Variants in NUDT9 observed in about 807,000 individuals in gnomAD.
NUDT9 encodes the protein nudix hydrolase 9.
NUDT9 carries 31 observed loss-of-function variants against 41.0 expected under a neutral mutation model. That is an observed-to-expected ratio of 0.76 (90% confidence interval 0.57 to 1.02). The LOEUF (loss-of-function observed/expected upper bound fraction) is 1.02, where lower values mean the gene tolerates loss of function less well. Among genes scored for constraint, NUDT9 ranks in the 50% least tolerant of loss-of-function variants. The probability of loss-of-function intolerance (pLI) is 0.00; values close to 1 mark genes in which losing one functional copy is unlikely to be tolerated. For missense variants in NUDT9, 380 were observed against 431.4 expected (o/e 0.88, Z 1.06); for synonymous variants, 146 against 147.6 (o/e 0.99, Z 0.08).
At chr4:87,449,362 C>A (rs577711363) in intron 5 of NUDT9, 109 bp downstream of exon 5, 25 of 652,124 alleles carry the variant, frequency 3.8e-5, no homozygotes, top group Non-Finnish European at 6.6e-5. Context: ...TTCCTTCCCA[C>A]TTCATTTAGT....
At position 87,458,189 on chromosome 4, in the gene NUDT9, G is replaced by T; in HGVS notation, c.*168G>T. The T allele has an allele frequency of 2.1e-6, 1 of 470,360 alleles. No individual in the cohort carries two copies. The highest frequency in any genetic ancestry group is 3.5e-6 in the Non-Finnish European group (1 of 287,790). The allele number at this position is 470,360 out of a possible 1,614,324, so 29.1% of individuals were successfully genotyped here. ...CGCATCAGAATAACATGAGTAAGAT[G>T]AACTGGAACACAAAATTTTCAGCTC... On this transcript the variant is annotated 3_prime_UTR_variant, in exon 8 of 8. Transcript: ENST00000302174.
chr4:87,426,142 A>G (rs1310275806), intron 1 of NUDT9, among the ~76,000 whole-genome samples: 2 of 152,188 alleles, frequency 1.3e-5, no homozygotes, highest in Non-Finnish European at 2.9e-5. Flanking sequence ...GAAAAAAGGT[A>G]GTATATTACA....
At chr4:87,436,295 G>A (rs561757319) in intron 2 of NUDT9, among the ~76,000 whole-genome samples, 1 of 152,160 alleles carries the variant, frequency 6.6e-6, no homozygotes, top group East Asian at 1.9e-4. Flanking sequence ...CTGAAACTTT[G>A]TACCCTTTGA....
Position 87,438,349 on chromosome 4 carries a change from T to C in NUDT9, c.420T>C (p.Tyr140=). ...AGAGAAAGAGCAAGAATGGCCTGTA[T>C]GAGATTGAAAATGGAAGACCGAGGT... ...HVERKSKNGL[Y]EIENGRPRNP... Residue 140 remains tyrosine (Y), a synonymous_variant, in exon 3 of 8, where the codon TAT becomes TAC. Transcript: ENST00000302174. 1 of 1,606,272 alleles carries C rather than the reference T, an allele frequency of 6.2e-7. No individual in the cohort carries two copies. Among genetic ancestry groups the C allele is most frequent in the Non-Finnish European group, 8.5e-7 (1 of 1,173,436 alleles).
At chr4:87,439,569 T>G (rs1266127025) in intron 3 of NUDT9, among the ~76,000 whole-genome samples, 1 of 151,730 alleles carries the variant, frequency 6.6e-6, no homozygotes, top group Non-Finnish European at 1.5e-5. Flanking sequence ...GGCAGGAGAA[T>G]CGCTTGAACC....
rs569374465 is a variant in NUDT9 at position 87,449,934 on chromosome 4, C to T, written c.642+681C>T. ...CTGGAGTGCATTGGCGCAATCTTGG[C>T]TCATTGCAACCTTTGCCTCCTGGGT... On this transcript the variant is annotated intron_variant, in intron 5 of 7. Transcript: ENST00000302174. Among the ~76,000 whole-genome samples, 10 of 152,194 alleles carry T rather than the reference C, an allele frequency of 6.6e-5. No individual in the cohort carries two copies. In the East Asian group the frequency reaches 1.9e-3, roughly 29 times the overall value.
At chr4:87,437,075 C>T (rs1009308087) in intron 2 of NUDT9, among the ~76,000 whole-genome samples, 1 of 151,618 alleles carries the variant, frequency 6.6e-6, no homozygotes, top group African/African-American at 2.4e-5. Flanking sequence ...ATGATGAAAC[C>T]CTGTGTATAC....
At chr4:87,446,313 A>G (rs1220647148) in intron 4 of NUDT9, among the ~76,000 whole-genome samples, 1 of 132,762 alleles carries the variant, frequency 7.5e-6, no homozygotes, top group Admixed American at 8.8e-5. Flanking sequence ...TAGTGGTGCT[A>G]TCTCGGCTCA....
At chr4:87,444,885 T>G (rs1263017479) in intron 4 of NUDT9, among the ~76,000 whole-genome samples, 1 of 152,218 alleles carries the variant, frequency 6.6e-6, no homozygotes, top group Non-Finnish European at 1.5e-5. Context: ...ACTGTACTCT[T>G]AAGTTGATGT....
chr4:87,442,020 T>G, intron 4 of NUDT9, 105 bp downstream of exon 4: 1 of 722,040 alleles, frequency 1.4e-6, no homozygotes, highest in Non-Finnish European at 2.3e-6. Context: ...TGTATATACA[T>G]ATGTATGTGT....
At position 87,457,930 on chromosome 4, in the gene NUDT9, A is replaced by G; in HGVS notation, c.962A>G (p.Tyr321Cys). The change falls in exon 8 of 8, where the codon TAT becomes TGT. Residue 321 changes from tyrosine (Y) to cysteine (C), a missense_variant. Tyr to Cys is a radical substitution (Grantham distance 194). Transcript: ENST00000302174. ...WVDINDKLKL[Y>C]ASHSQFIKLV... is the part of the protein sequence containing the mutation. ...GACATCAATGATAAACTGAAGCTTT[A>G]TGCCAGTCACTCTCAATTCATCAAA... 6.2e-7 allele frequency: 1 copy of G among 1,605,554 alleles called. No homozygotes were observed.
At chr4:87,430,928 C>T (rs555668654) in intron 1 of NUDT9, among the ~76,000 whole-genome samples, 1 of 152,104 alleles carries the variant, frequency 6.6e-6, no homozygotes, top group South Asian at 2.1e-4. Context: ...AGAAGTTTTT[C>T]ATCTTGATGT....
chr4:87,454,677 G>T (rs1197175396), intron 7 of NUDT9, among the ~76,000 whole-genome samples: 1 of 152,100 alleles, frequency 6.6e-6, no homozygotes, highest in Non-Finnish European at 1.5e-5. Flanking sequence ...TAATCCATTG[G>T]TAACATTTGA....
chr4:87,436,929 A>T (rs1468963857), intron 2 of NUDT9, among the ~76,000 whole-genome samples: 22 of 151,940 alleles, frequency 1.4e-4, no homozygotes, highest in African/African-American at 5.3e-4. Context: ...TGGTGAGGAG[A>T]GTAGTTTAGT....
Position 87,422,877 on chromosome 4 carries a change from A to C in NUDT9, c.-29A>C. On this transcript the variant is annotated 5_prime_UTR_variant, in exon 1 of 8. Transcript: ENST00000302174. ...CGGAGGCACCAACTAAGAGCGACCT[A>C]GCATCGCAAAGCCGCCCTCGGGGCG... 6.3e-7 allele frequency: 1 copy of C among 1,580,778 alleles called. No homozygotes were observed. Among genetic ancestry groups the C allele is most frequent in the Non-Finnish European group, 8.6e-7 (1 of 1,159,460 alleles).
intron 4 of NUDT9, 118 bp downstream of exon 4, chr4:87,442,033 GTA>G (rs1722225222): frequency 1.5e-6 from 1 of 650,816 alleles, no homozygotes; most frequent in Non-Finnish European, 2.6e-6. Flanking sequence ...GTATGTGTTT[GTA>G]TATATATGTA....
chr4:87,426,105 T>G (rs1721402961), intron 1 of NUDT9, among the ~76,000 whole-genome samples: 2 of 152,116 alleles, frequency 1.3e-5, no homozygotes, highest in African/African-American at 4.8e-5. Context: ...GAGACACTGC[T>G]CCCAGTCATC....
chr4:87,457,607 CTT>C (rs1215604138), intron 7 of NUDT9, among the ~76,000 whole-genome samples: 5 of 151,902 alleles, frequency 3.3e-5, no homozygotes, highest in African/African-American at 1.2e-4. Flanking sequence ...AGAGAAAACT[CTT>C]TGTGTTTATC....
chr4:87,457,373 A>G (rs974875816), intron 7 of NUDT9, among the ~76,000 whole-genome samples: 6 of 151,130 alleles, frequency 4.0e-5, no homozygotes, highest in Non-Finnish European at 8.8e-5. Context: ...GTAAGCTGGG[A>G]CTGCAGGCAT....
Sources: allele counts gnomAD v4.1 joint callset (sites outside exome capture counted in the v4.1 genomes callset), GRCh38; gene constraint gnomAD v4.1.1; transcripts MANE v1.5; gene names NCBI Gene and HGNC (gene_info 2026-07-23, HGNC 2026-07-21).